Variants in UROS observed in about 807,000 individuals in gnomAD.
The protein encoded by UROS is uroporphyrinogen-III synthase.
In UROS, 18 loss-of-function variants were observed where a neutral mutation model predicts 33.0. That is an observed-to-expected ratio of 0.55 (90% CI 0.38 to 0.81). The LOEUF (loss-of-function observed/expected upper bound fraction) is 0.81. UROS is among the 30% of genes least tolerant of loss of function. The pLI is 0.00. For synonymous variants in UROS, 114 were observed against 121.1 expected (o/e 0.94, Z 0.38); for missense variants, 293 against 314.9 (o/e 0.93, Z 0.53).
intron 9 of UROS, chr10:125,792,358 C>A (rs1851006862): frequency 6.6e-6 from 1 of 152,062 alleles, no homozygotes; most frequent in Non-Finnish European, 1.5e-5. Context: ...CGAGGGGGCC[C>A]AGCATCAACG....
intron 6 of UROS, among the ~76,000 whole-genome samples, chr10:125,799,833 C>T (rs757326417): frequency 2.0e-5 from 3 of 152,144 alleles, no homozygotes; most frequent in Non-Finnish European, 2.9e-5. Context: ...GAGAGATCTA[C>T]AACTACATGT....
intron 6 of UROS, among the ~76,000 whole-genome samples, chr10:125,800,361 C>T (rs1256778154): frequency 6.6e-6 from 1 of 152,152 alleles, no homozygotes; most frequent in Non-Finnish European, 1.5e-5. Context: ...TCAAATGTTG[C>T]CTTTTCCGAT....
chr10:125,812,196 T>G lies in UROS; in HGVS notation c.319+18A>C, dbSNP rs201260398. 13 of 1,612,180 alleles carry G rather than the reference T, an allele frequency of 8.1e-6. No individual in the cohort carries two copies. The highest frequency in any genetic ancestry group is 1.1e-5 in the Non-Finnish European group (13 of 1,178,566). The stretch of plus-strand genomic sequence containing the variant: ...CTAAGCCATTTTTTGTTGTTTTATT[T>G]TTACCTTGACTCCTTACCTAGAGAA... On this transcript the variant is annotated intron_variant, in intron 5 of 9. Transcript: ENST00000368797.
rs910165943 is a variant in UROS, at chr10:125,789,439, C to G, written c.661-434G>C. ...AAGTAGAGCCATCAAGGTCAGGGCT[C>G]TGTGGGCACAGGGTTGGGATTTAAA... On this transcript the variant is annotated intron_variant, in intron 9 of 9. Coordinates refer to ENST00000368797, the MANE Select transcript of UROS (RefSeq NM_000375.3). The G allele has an allele frequency of 5.9e-6, 6 of 1,021,186 alleles. No individual in the cohort carries two copies. The African/African-American group carries it at 1.0e-4, about 17-fold the overall frequency. 63.3% of individuals were successfully genotyped at this position (1,021,186 alleles called of 1,614,324 possible). A position where few individuals can be genotyped will look rare whatever the true frequency, so the allele number is the denominator to read the frequency against.
intron 7 of UROS, among the ~76,000 whole-genome samples, chr10:125,797,049 T>C (rs1220290381): frequency 6.6e-6 from 1 of 152,230 alleles, no homozygotes; most frequent in Non-Finnish European, 1.5e-5. Flanking sequence ...TATTTTCTTG[T>C]TCCCGAAAAG....
chr10:125,800,562 TTTC>T (rs897884082), intron 6 of UROS, among the ~76,000 whole-genome samples: 25 of 133,226 alleles, frequency 1.9e-4, no homozygotes, highest in Non-Finnish European at 3.8e-4. Flanking sequence ...TCTTTCTTTC[TTTC>T]TTTTTTTTTT....
At chr10:125,801,859 A>G (rs539178366) in intron 6 of UROS, among the ~76,000 whole-genome samples, 1 of 152,318 alleles carries the variant, frequency 6.6e-6, no homozygotes, top group East Asian at 1.9e-4. Context: ...AAGCAGGGAC[A>G]CCAGCCTGAT....
intron 1 of UROS, among the ~76,000 whole-genome samples, chr10:125,819,448 T>C (rs912402638): frequency 2.6e-5 from 4 of 152,162 alleles, no homozygotes; most frequent in Non-Finnish European, 4.4e-5. Context: ...GTGACTCAGA[T>C]GGTAAGGGAT....
chr10:125,811,513 G>A (rs1159304445), intron 5 of UROS, among the ~76,000 whole-genome samples: 1 of 152,130 alleles, frequency 6.6e-6, no homozygotes, highest in Non-Finnish European at 1.5e-5. Flanking sequence ...AATTAGCTTA[G>A]CAACTCCCAA....
intron 5 of UROS, among the ~76,000 whole-genome samples, chr10:125,811,566 CTT>C (rs1852812067): frequency 6.6e-6 from 1 of 152,196 alleles, no homozygotes; most frequent in Non-Finnish European, 1.5e-5. Flanking sequence ...GGAAAATGTG[CTT>C]TTAATTCTTA....
chr10:125,794,639 A>G (rs1851193679), intron 9 of UROS, among the ~76,000 whole-genome samples: 1 of 152,152 alleles, frequency 6.6e-6, no homozygotes, highest in Non-Finnish European at 1.5e-5. Flanking sequence ...GGAAGACCAT[A>G]CACATGTCTA....
intron 6 of UROS, among the ~76,000 whole-genome samples, chr10:125,799,211 TA>T (rs1851611461): frequency 6.6e-6 from 1 of 152,222 alleles, no homozygotes; most frequent in Non-Finnish European, 1.5e-5. Flanking sequence ...TTTCTTTATT[TA>T]AACTGCTCTG....
intron 1 of UROS, among the ~76,000 whole-genome samples, chr10:125,818,442 A>T (rs1853552302): frequency 6.6e-6 from 1 of 152,136 alleles, no homozygotes; most frequent in African/African-American, 2.4e-5. Context: ...GCTGTGGGCT[A>T]TAATCGTGCC....
chr10:125,786,736 A>T (rs1337097951), downstream of UROS, among the ~76,000 whole-genome samples: 3 of 152,146 alleles, frequency 2.0e-5, no homozygotes, highest in Admixed American at 6.5e-5. Flanking sequence ...ATTGCCCTTA[A>T]CAGAAACTGC....
intron 5 of UROS, among the ~76,000 whole-genome samples, chr10:125,808,493 A>T (rs1266137197): frequency 2.0e-5 from 3 of 152,234 alleles, no homozygotes; most frequent in African/African-American, 7.2e-5. Flanking sequence ...AACGCATCAA[A>T]AACAAAAGTA....
chr10:125,804,624 G>A (rs1386088787), intron 6 of UROS, among the ~76,000 whole-genome samples: 2 of 152,128 alleles, frequency 1.3e-5, no homozygotes, highest in Non-Finnish European at 2.9e-5. Flanking sequence ...GTGGGGTCTG[G>A]GTTAATTCTG....
At chr10:125,786,390 G>A (rs548191842), downstream of UROS, among the ~76,000 whole-genome samples, 32 of 151,264 alleles carry the variant, frequency 2.1e-4, 1 homozygote, top group South Asian at 5.0e-3. Flanking sequence ...CAATTCTCCT[G>A]CCTCAGCCTC....
intron 9 of UROS, among the ~76,000 whole-genome samples, chr10:125,790,548 C>T (rs1850846497): frequency 6.6e-6 from 1 of 152,184 alleles, no homozygotes; most frequent in African/African-American, 2.4e-5. Flanking sequence ...GTAGCTCATG[C>T]CTGTAATCCC....
At chr10:125,807,248 A>G in intron 6 of UROS, 165 bp downstream of exon 6, 1 of 679,106 alleles carries the variant, frequency 1.5e-6, no homozygotes. Context: ...AAGTATAGAC[A>G]TACACAAATA....
Sources: allele counts gnomAD v4.1 joint callset (sites outside exome capture counted in the v4.1 genomes callset), GRCh38; gene constraint gnomAD v4.1.1; transcripts MANE v1.5; gene names NCBI Gene and HGNC (gene_info 2026-07-23, HGNC 2026-07-21).